ADGRL2: variants seen among roughly 807,000 people sequenced by gnomAD.
The protein encoded by ADGRL2 is adhesion G protein-coupled receptor L2, also known as calcium-independent alpha-latrotoxin receptor 2.
ADGRL2 carries 44 observed loss-of-function variants against 157.4 expected under a neutral mutation model. The observed-to-expected ratio is 0.28, with a 90% CI of 0.22 to 0.36. The LOEUF (loss-of-function observed/expected upper bound fraction) is 0.36, where lower values mean the gene tolerates loss of function less well. ADGRL2 is among the 10% of genes least tolerant of loss of function. ADGRL2 has a pLI of 1.00. For synonymous variants in ADGRL2, 585 were observed against 624.7 expected (o/e 0.94, Z 0.95); for missense variants, 1,510 against 1,768.9 (o/e 0.85, Z 2.63).
At chr1:81,636,853 TCAAA>T (rs2082123993) in intron 3 of ADGRL2, among the ~76,000 whole-genome samples, 1 of 152,162 alleles carries the variant, frequency 6.6e-6, no homozygotes, top group Non-Finnish European at 1.5e-5. Context: ...TTGTTGGTGT[TCAAA>T]CAGAGTCTCC....
At chr1:81,507,303 T>A (rs1391413424) in intron 2 of ADGRL2, among the ~76,000 whole-genome samples, 1 of 151,998 alleles carries the variant, frequency 6.6e-6, no homozygotes, top group Non-Finnish European at 1.5e-5. Flanking sequence ...GACTTAATAT[T>A]GATAGAAAGT....
chr1:81,357,373 T>C (rs1663394226), intron 1 of ADGRL2, among the ~76,000 whole-genome samples: 1 of 152,230 alleles, frequency 6.6e-6, no homozygotes, highest in Non-Finnish European at 1.5e-5. Context: ...CTGTAAGTTT[T>C]CATTCTAGGC....
At chr1:81,895,090 A>G (rs1404950928) in intron 2 of ADGRL2, among the ~76,000 whole-genome samples, 1 of 152,124 alleles carries the variant, frequency 6.6e-6, no homozygotes, top group African/African-American at 2.4e-5. Flanking sequence ...TTTCTAAGAC[A>G]CTTGCTTGAG....
At chr1:81,424,819 A>T (rs920406274) in intron 1 of ADGRL2, among the ~76,000 whole-genome samples, 3 of 152,148 alleles carry the variant, frequency 2.0e-5, no homozygotes, top group Non-Finnish European at 4.4e-5. Flanking sequence ...ATTTTCTGAC[A>T]TAGCAGTTGC....
chr1:81,879,466 T>A (rs181542776), intron 2 of ADGRL2, among the ~76,000 whole-genome samples: 38 of 151,846 alleles, frequency 2.5e-4, no homozygotes, highest in Non-Finnish European at 4.6e-4. Context: ...GCCCTTTTTT[T>A]AAAGTGTTAT....
At chr1:81,758,335 C>G (rs2085759755) in intron 1 of ADGRL2, among the ~76,000 whole-genome samples, 1 of 152,110 alleles carries the variant, frequency 6.6e-6, no homozygotes. Context: ...GTACAAGAGC[C>G]AAGTCAAGAC....
intron 2 of ADGRL2, among the ~76,000 whole-genome samples, chr1:81,870,224 C>A (rs1037244909): frequency 2.2e-5 from 2 of 92,574 alleles, no homozygotes; most frequent in African/African-American, 7.8e-5. Flanking sequence ...AACAAAACAC[C>A]TTTTATTTAC....
intron 3 of ADGRL2, among the ~76,000 whole-genome samples, chr1:81,928,842 C>G (rs1345940823): frequency 6.6e-6 from 1 of 151,750 alleles, no homozygotes; most frequent in Non-Finnish European, 1.5e-5. Flanking sequence ...ACCTTGGAAG[C>G]ATTGATTTCA....
At chr1:81,707,869 A>G (rs955269618) in intron 1 of ADGRL2, among the ~76,000 whole-genome samples, 5 of 152,140 alleles carry the variant, frequency 3.3e-5, no homozygotes, top group African/African-American at 1.2e-4. Flanking sequence ...TTGCTGGAAG[A>G]GAATATAATT....
intron 1 of ADGRL2, among the ~76,000 whole-genome samples, chr1:81,355,517 T>C (rs1663218699): frequency 6.6e-6 from 1 of 152,228 alleles, no homozygotes; most frequent in African/African-American, 2.4e-5. Flanking sequence ...TAGACTTCTT[T>C]GGATTAATGG....
At chr1:81,982,590 TG>T (rs1314401985) in intron 19 of ADGRL2, among the ~76,000 whole-genome samples, 1 of 151,938 alleles carries the variant, frequency 6.6e-6, no homozygotes, top group Non-Finnish European at 1.5e-5. Context: ...TACCTTTCAC[TG>T]GGTATCATCC....
chr1:81,470,740 C>T (rs2078154844), intron 2 of ADGRL2, among the ~76,000 whole-genome samples: 1 of 152,178 alleles, frequency 6.6e-6, no homozygotes, highest in African/African-American at 2.4e-5. Flanking sequence ...GATGTAGAAA[C>T]AAGTTCAAAT....
intron 2 of ADGRL2, chr1:81,761,857 G>A (rs2085892920): frequency 6.6e-6 from 1 of 152,018 alleles, no homozygotes; most frequent in African/African-American, 2.4e-5. Context: ...AGAATGGTAA[G>A]TAAGGAGTTC....
intron 3 of ADGRL2, among the ~76,000 whole-genome samples, chr1:81,923,001 CA>C (rs1336669717): frequency 6.6e-6 from 1 of 152,104 alleles, no homozygotes. Context: ...TGAGATGCAG[CA>C]AAAGGACACT....
chr1:81,436,756 A>T (rs928846201), intron 1 of ADGRL2, among the ~76,000 whole-genome samples: 2 of 152,184 alleles, frequency 1.3e-5, no homozygotes, highest in Non-Finnish European at 2.9e-5. Flanking sequence ...AGTGAACCTC[A>T]CTTATGTGAA....
At chr1:81,605,992 C>G (rs2081424317) in intron 3 of ADGRL2, among the ~76,000 whole-genome samples, 1 of 152,106 alleles carries the variant, frequency 6.6e-6, no homozygotes, top group Non-Finnish European at 1.5e-5. Flanking sequence ...TTGTAAATGA[C>G]TTTTGCAAAT....
Position 81,534,633 on chromosome 1 carries a change from T to A in ADGRL2, c.-247-46243T>A, listed in dbSNP as rs1299828079. Among the ~76,000 whole-genome samples the A allele has an allele frequency of 3.3e-5, 5 of 152,216 alleles. No individual in the cohort carries two copies. In the East Asian group the frequency reaches 9.6e-4, roughly 29 times the overall value. Reference sequence around the variant, plus strand: ...GAAAGAAATTGAGTCTGTGATCACATGGCTTTTTCAATTTAGATTTAATTA... The same window carrying A: ...GAAAGAAATTGAGTCTGTGATCACAAGGCTTTTTCAATTTAGATTTAATTA... On this transcript the variant is annotated intron_variant, in intron 2 of 24. Transcript: ENST00000370721.
intron 2 of ADGRL2, among the ~76,000 whole-genome samples, chr1:81,476,668 G>T (rs1276147487): frequency 6.6e-6 from 1 of 152,084 alleles, no homozygotes; most frequent in Non-Finnish European, 1.5e-5. Flanking sequence ...CTATTTAAAG[G>T]ATTCCTAAGT....
At chr1:81,422,185 TTC>T (rs1467443369) in intron 1 of ADGRL2, among the ~76,000 whole-genome samples, 2 of 41,850 alleles carry the variant, frequency 4.8e-5, no homozygotes, top group African/African-American at 9.3e-5. Flanking sequence ...TCTCTCAAAC[TTC>T]TTTTTTTTTT....
Sources: gnomAD v4.1 joint callset for allele counts (sites outside exome capture counted in the v4.1 genomes callset) on GRCh38, gnomAD v4.1.1 for gene constraint, MANE v1.5 for transcripts, NCBI Gene and HGNC (gene_info 2026-07-23, HGNC 2026-07-21) for gene names.